Variants in SLIT3 observed in about 807,000 individuals in gnomAD.
The protein encoded by SLIT3 is slit homolog 3 protein.
In SLIT3, 68 loss-of-function variants were observed where a neutral mutation model predicts 184.0. The observed-to-expected ratio is 0.37, with a 90% CI of 0.30 to 0.45. The LOEUF (loss-of-function observed/expected upper bound fraction) is 0.45, where lower values mean the gene tolerates loss of function less well. SLIT3 is among the 20% of genes least tolerant of loss of function. SLIT3 has a pLI of 1.00. For synonymous variants in SLIT3, 831 were observed against 828.6 expected (o/e 1.00, Z -0.05); for missense variants, 1,707 against 2,026.0 (o/e 0.84, Z 3.02).
At chr5:169,075,350 C>T (rs186318746) in intron 4 of SLIT3, among the ~76,000 whole-genome samples, 9 of 152,224 alleles carry the variant, frequency 5.9e-5, no homozygotes, top group East Asian at 5.8e-4. Flanking sequence ...AAAGTACATA[C>T]GTAGGGAAAT....
At chr5:169,020,469 G>A (rs1418224004) in intron 4 of SLIT3, among the ~76,000 whole-genome samples, 1 of 152,176 alleles carries the variant, frequency 6.6e-6, no homozygotes, top group Non-Finnish European at 1.5e-5. Context: ...GAGTAAAGGA[G>A]TTTGGGAATC....
At chr5:169,191,192 G>T (rs1291747799) in intron 4 of SLIT3, among the ~76,000 whole-genome samples, 1 of 152,154 alleles carries the variant, frequency 6.6e-6, no homozygotes, top group African/African-American at 2.4e-5. Flanking sequence ...AAGAATCAAA[G>T]CTCACCAAGG....
intron 4 of SLIT3, among the ~76,000 whole-genome samples, chr5:169,140,177 C>A (rs1405350347): frequency 6.6e-6 from 1 of 151,810 alleles, no homozygotes; most frequent in Non-Finnish European, 1.5e-5. Flanking sequence ...TCACAAAGAG[C>A]TCCGGGGCCA....
At chr5:169,116,068 C>T (rs1375570707) in intron 4 of SLIT3, among the ~76,000 whole-genome samples, 1 of 152,110 alleles carries the variant, frequency 6.6e-6, no homozygotes, top group African/African-American at 2.4e-5. Flanking sequence ...AGAGAGACTC[C>T]CTGGGGCTGA....
At chr5:169,000,823 C>T (rs1463915521) in intron 4 of SLIT3, among the ~76,000 whole-genome samples, 3 of 152,106 alleles carry the variant, frequency 2.0e-5, no homozygotes, top group Non-Finnish European at 2.9e-5. Context: ...ACAACTGACC[C>T]GACAACCTAT....
rs1232964342 is a variant in SLIT3, at chr5:169,082,840, C to A, written c.413+110639G>T. 4.6e-5 allele frequency among the ~76,000 whole-genome samples: 7 copies of A among 152,042 alleles called. No homozygotes were observed. In the East Asian group the frequency reaches 1.4e-3, roughly 29 times the overall value. ...TCAGCAACTGTATGCAACTTCATACCCCTTTCGGCTAAATTTATCTCTGCT... is the reference window on the plus strand; with the variant it reads ...TCAGCAACTGTATGCAACTTCATACACCTTTCGGCTAAATTTATCTCTGCT... On this transcript the variant is annotated intron_variant, in intron 4 of 35. Transcript: ENST00000519560.
chr5:169,019,549 C>G (rs184230345), intron 4 of SLIT3, among the ~76,000 whole-genome samples: 1 of 152,316 alleles, frequency 6.6e-6, no homozygotes, highest in Admixed American at 6.5e-5. Flanking sequence ...CTCACATATT[C>G]CATAGGCTCA....
intron 11 of SLIT3, among the ~76,000 whole-genome samples, chr5:168,787,649 C>A (rs1756203372): frequency 6.6e-6 from 1 of 152,072 alleles, no homozygotes; most frequent in Non-Finnish European, 1.5e-5. Flanking sequence ...TTTCTGCCTC[C>A]CTCCCCCGCA....
intron 6 of SLIT3, among the ~76,000 whole-genome samples, chr5:168,826,656 T>C (rs113880592): frequency 0.011 from 1,702 of 152,346 alleles, 34 homozygotes; most frequent in African/African-American, 0.039. Context: ...ACTGGGCTCA[T>C]AGAGCTTTAG....
chr5:168,772,824 GT>G lies in SLIT3; in HGVS notation c.1415del (p.Asn472ThrfsTer68). 6.2e-7 allele frequency: 1 copy of G among 1,614,164 alleles called. No individual in the cohort carries two copies. Among genetic ancestry groups the G allele is most frequent in the Non-Finnish European group, 8.5e-7 (1 of 1,180,048 alleles). ...ARCSSPRRLANKRISQIKSKK... is the reference protein window; with the variant it reads ...ARCSSPRRLAXKRISQIKSKK... ...TGCTCTTGATCTGGCTGATGCGCTT[GT>G]TGGCGAGTCGGCGCGGGCTGCTGCA... is the stretch of plus-strand genomic sequence containing the variant. On this transcript the variant is annotated frameshift_variant, in exon 14 of 36. Transcript: ENST00000519560. LOFTEE classifies it high-confidence loss of function.
At chr5:168,986,185 C>T (rs62378604) in intron 4 of SLIT3, among the ~76,000 whole-genome samples, 5 of 152,082 alleles carry the variant, frequency 3.3e-5, no homozygotes, top group Admixed American at 3.3e-4. Flanking sequence ...TCTGGTTCTC[C>T]CAATTCCCTG....
At chr5:169,179,688 A>ACGTG (rs3038086) in intron 4 of SLIT3, among the ~76,000 whole-genome samples, 4 of 151,470 alleles carry the variant, frequency 2.6e-5, no homozygotes, top group African/African-American at 2.4e-5. Context: ...GCATGAGCAT[A>ACGTG]TGTGTGTGTG....
intron 1 of SLIT3, among the ~76,000 whole-genome samples, chr5:169,267,575 G>T (rs1214983174): frequency 6.6e-6 from 1 of 152,158 alleles, no homozygotes; most frequent in African/African-American, 2.4e-5. Context: ...CAGTAAATCT[G>T]GGTATCAGTT....
intron 4 of SLIT3, among the ~76,000 whole-genome samples, chr5:169,047,272 T>C (rs1757658518): frequency 6.6e-6 from 1 of 152,130 alleles, no homozygotes; most frequent in East Asian, 1.9e-4. Context: ...TCATCTACCC[T>C]ACCGCTTCAG....
chr5:168,722,416 G>T (rs1762974064), intron 22 of SLIT3, 89 bp from the exon 23 acceptor site: 4 of 1,147,988 alleles, frequency 3.5e-6, no homozygotes, highest in South Asian at 1.3e-5. Flanking sequence ...CAAAGCAAAT[G>T]GTTTATCTTT....
intron 29 of SLIT3, among the ~76,000 whole-genome samples, chr5:168,687,958 C>G (rs1012541418): frequency 6.6e-6 from 1 of 152,204 alleles, no homozygotes; most frequent in Non-Finnish European, 1.5e-5. Context: ...GTCAGCAATT[C>G]CATTATTGCC....
intron 4 of SLIT3, among the ~76,000 whole-genome samples, chr5:168,967,437 CTTTTTTTTTTTTTTTTT>C (rs540309809): frequency 3.1e-5 from 1 of 32,738 alleles, no homozygotes; most frequent in East Asian, 2.2e-3. Flanking sequence ...CATCTCAAAT[CTTTTTTTTTTTTTTTTT>C]TTTGAGACGG....
chr5:168,857,763 C>T (rs1426595050), intron 5 of SLIT3, among the ~76,000 whole-genome samples: 1 of 152,286 alleles, frequency 6.6e-6, no homozygotes, highest in East Asian at 1.9e-4. Context: ...GAGGGCTGAA[C>T]AGCAGGGTGG....
At position 168,867,967 on chromosome 5, in the gene SLIT3, A is replaced by T. The variant is rs150051941; in HGVS notation, c.485+15298T>A. Reference sequence around the variant, plus strand: ...TTGAATGGGACCCACAGATGACTGGATTTGCCCAACATGGTATGGACACTT... The same window carrying T: ...TTGAATGGGACCCACAGATGACTGGTTTTGCCCAACATGGTATGGACACTT... On this transcript the variant is annotated intron_variant, in intron 5 of 35. Transcript: ENST00000519560. 8.4e-4 allele frequency among the ~76,000 whole-genome samples: 128 copies of T among 152,312 alleles called. 1 individual carries two copies. The highest frequency in any genetic ancestry group is 2.8e-3 in the African/African-American group (117 of 41,572).
Sources: allele counts gnomAD v4.1 joint callset (sites outside exome capture counted in the v4.1 genomes callset), GRCh38; gene constraint gnomAD v4.1.1; transcripts MANE v1.5; gene names NCBI Gene and HGNC (gene_info 2026-07-23, HGNC 2026-07-21).